Variants in KRR1 observed in about 807,000 individuals in gnomAD.
KRR1 encodes the protein KRR1 small subunit processome component homolog.
In KRR1, 23 loss-of-function variants were observed where a neutral mutation model predicts 50.0. That is an observed-to-expected ratio of 0.46 (90% CI 0.33 to 0.65). KRR1 has a LOEUF of 0.65. Among genes scored for constraint, KRR1 ranks in the 30% least tolerant of loss-of-function variants. The pLI is 0.02. For synonymous variants in KRR1, 133 were observed against 146.3 expected, an observed-to-expected ratio of 0.91 and a Z score of 0.66; for missense variants, 419 against 442.4, an observed-to-expected ratio of 0.95 and a Z score of 0.47.
chr12:75,510,838 TA>T (rs2120643208), intron 1 of KRR1, among the ~76,000 whole-genome samples: 1 of 152,348 alleles, frequency 6.6e-6, no homozygotes, highest in Non-Finnish European at 1.5e-5. Context: ...CCAATGCATC[TA>T]AATTGAGAGT....
At position 75,506,150 on chromosome 12, in the gene KRR1, A is replaced by G. The variant is rs2046420537; in HGVS notation, c.603+166T>C. On this transcript the variant is annotated intron_variant, in intron 5 of 9. Transcript: ENST00000229214. Reference sequence around the variant, plus strand: ...TTGGCCAAAACATGTTAGGGTCCAGATATGATGATTCCCTTGAATTATATG... The same window carrying G: ...TTGGCCAAAACATGTTAGGGTCCAGGTATGATGATTCCCTTGAATTATATG... 15 of 529,336 alleles carry G rather than the reference A, an allele frequency of 2.8e-5. No homozygotes were observed. The South Asian group carries it at 3.8e-4, about 13-fold the overall frequency. 32.8% of individuals were successfully genotyped at this position (529,336 alleles called of 1,614,324 possible). A position where few individuals can be genotyped will look rare whatever the true frequency, so the allele number is the denominator to read the frequency against.
intron 1 of KRR1, among the ~76,000 whole-genome samples, chr12:75,509,759 A>ATT (rs141358671): frequency 1.5e-4 from 21 of 140,246 alleles, no homozygotes; most frequent in African/African-American, 4.5e-4. Context: ...TGTCCGGCTA[A>ATT]TTTTTTTTTT....
intron 9 of KRR1, 46 bp downstream of exon 9, chr12:75,501,677 T>G: frequency 8.0e-7 from 1 of 1,243,064 alleles, no homozygotes. Context: ...ATTATGGGTT[T>G]ACTTTTCCTA....
At position 75,506,770 on chromosome 12, in the gene KRR1, T is replaced by C; in HGVS notation, c.393+12A>G. The C allele has an allele frequency of 6.2e-7, 1 of 1,601,224 alleles. No individual in the cohort carries two copies. Among genetic ancestry groups the C allele is most frequent in the Non-Finnish European group, 8.5e-7 (1 of 1,176,738 alleles). ...TGCAAACAAAGCAAAGTCTCTGTAA[T>C]TCTAGATTTACCTGTTCAAATGAAA... On this transcript the variant is annotated intron_variant, in intron 3 of 9. Coordinates refer to ENST00000229214, the MANE Select transcript of KRR1 (RefSeq NM_007043.7).
At chr12:75,508,994 G>A (rs568283972) in intron 1 of KRR1, among the ~76,000 whole-genome samples, 2 of 152,112 alleles carry the variant, frequency 1.3e-5, no homozygotes, top group Admixed American at 6.5e-5. Flanking sequence ...GCCTTTCATC[G>A]TAACTATAAA....
At position 75,511,515 on chromosome 12, in the gene KRR1, T is replaced by C. The variant is rs2120646396; in HGVS notation, c.83A>G (p.Gln28Arg). ...FRNQKPKPEN[Q>R]DESELLTVPD... The stretch of plus-strand genomic sequence containing the variant: ...CTTCGGTTCCCACATAACATCACCT[T>C]GGTTCTCCGGCTTCGGCTTCTGGTT... Residue 28 changes from glutamine to arginine, a missense_variant and splice_region_variant, in exon 1 of 10, where the codon CAA becomes CGA. Transcript: ENST00000229214. 1.9e-6 allele frequency: 3 copies of C among 1,613,852 alleles called. No individual in the cohort carries two copies. The highest frequency in any genetic ancestry group is 2.2e-5 in the East Asian group (1 of 44,890).
At chr12:75,509,383 A>C (rs527371832) in intron 1 of KRR1, among the ~76,000 whole-genome samples, 1 of 152,210 alleles carries the variant, frequency 6.6e-6, no homozygotes, top group East Asian at 1.9e-4. Flanking sequence ...GGAGACTCTT[A>C]AGCACGGTAA....
Position 75,508,370 on chromosome 12 carries a change from A to C in KRR1, c.162T>G (p.Leu54=), listed in dbSNP as rs915761185. The C allele has an allele frequency of 3.1e-6, 5 of 1,613,322 alleles. No homozygotes were observed. In the African/African-American group the frequency reaches 5.3e-5, roughly 17 times the overall value. The change falls in exon 2 of 10, where the codon CTT becomes CTG. Residue 54 remains leucine (L), a synonymous_variant. Transcript: ENST00000229214. ...AAGTTGCGAAACTGCTCTCCTCCAAAAGTCCTCTGGGATTGTCCTCTTTGG... is the reference window on the plus strand; with the variant it reads ...AAGTTGCGAAACTGCTCTCCTCCAACAGTCCTCTGGGATTGTCCTCTTTGG... ...AFSKEDNPRG[L]LEESSFATLF... is the part of the protein sequence containing the mutation.
intron 1 of KRR1, among the ~76,000 whole-genome samples, chr12:75,509,468 G>A (rs2046436781): frequency 6.6e-6 from 1 of 151,706 alleles, no homozygotes; most frequent in African/African-American, 2.4e-5. Flanking sequence ...TCACATCCAC[G>A]TTGCTATTTC....
chr12:75,499,943 C>G lies in KRR1; in HGVS notation c.1012G>C (p.Glu338Gln), dbSNP rs757680953. Residue 338 changes from glutamate to glutamine, a missense_variant, in exon 10 of 10, where the codon GAA becomes CAA. Transcript: ENST00000229214. ...PIVKPKEAST[E>Q]TKIDVASIKE... ...ATGCTGGCCACATCAATTTTAGTTT[C>G]AGTAGAAGCTAGACAAATTAAAAGC... 1.9e-6 allele frequency: 3 copies of G among 1,599,220 alleles called. No homozygotes were observed. The South Asian group carries it at 3.4e-5, about 18-fold the overall frequency.
rs2046347289 is a variant in KRR1, at chr12:75,495,827, A to G, written c.*3982T>C. The stretch of plus-strand genomic sequence containing the variant: ...TTACTGTTCTAGGAATACATTTAAG[A>G]GAAATTTAAATGTGAAAATCACGTT... On this transcript the variant is annotated 3_prime_UTR_variant, in exon 10 of 10. Coordinates refer to ENST00000229214, the MANE Select transcript of KRR1 (RefSeq NM_007043.7). The G allele has an allele frequency of 4.5e-6, 2 of 448,300 alleles. No homozygotes were observed. Among genetic ancestry groups the G allele is most frequent in the Non-Finnish European group, 8.2e-6 (2 of 244,874 alleles). 27.8% of individuals were successfully genotyped at this position (448,300 alleles called of 1,614,324 possible).
chr12:75,506,424 T>C, intron 4 of KRR1, 25 bp from the exon 5 acceptor site: 1 of 1,604,820 alleles, frequency 6.2e-7, no homozygotes, highest in South Asian at 1.1e-5. Flanking sequence ...CAAGTTAAAA[T>C]TCATTACTCT....
At position 75,511,570 on chromosome 12, in the gene KRR1, C is replaced by T. The variant is rs1165441053; in HGVS notation, c.28G>A (p.Glu10Lys). 6.2e-7 allele frequency: 1 copy of T among 1,614,120 alleles called. No individual in the cohort carries two copies. The highest frequency in any genetic ancestry group is 8.5e-7 in the Non-Finnish European group (1 of 1,179,954). The change falls in exon 1 of 10, where the codon GAA (glutamate) becomes AAA (lysine). Residue 10 changes from glutamate (E) to lysine (K), a missense_variant. By Grantham distance (56) the Glu-to-Lys change is moderately conservative. Coordinates refer to ENST00000229214, the MANE Select transcript of KRR1 (RefSeq NM_007043.7). MASPSLERP[E>K]KGAGKSEFRN... ...AATTCACTTTTTCCAGCGCCTTTTTCTGGCCGCTCCAGCGAGGGAGACGCC... is the reference window on the plus strand; with the variant it reads ...AATTCACTTTTTCCAGCGCCTTTTTTTGGCCGCTCCAGCGAGGGAGACGCC...
chr12:75,499,134 T>G lies in KRR1; in HGVS notation c.*675A>C, dbSNP rs866131402. The G allele has an allele frequency of 5.8e-5, 28 of 483,800 alleles. No individual in the cohort carries two copies. Among genetic ancestry groups the G allele is most frequent in the Middle Eastern group, 1.1e-3 (2 of 1,840 alleles). The allele number at this position is 483,800 out of a possible 1,614,324, so 30.0% of individuals were successfully genotyped here. On this transcript the variant is annotated 3_prime_UTR_variant, in exon 10 of 10. Coordinates refer to ENST00000229214, the MANE Select transcript of KRR1 (RefSeq NM_007043.7). ...TACTCAAAAGAAGAAATTTCCTAAC[T>G]CTATCAGATAAACTCATCTTTAGTA...
Position 75,494,388 on chromosome 12 carries a change from T to TATCA in KRR1, c.*5417_*5420dup, listed in dbSNP as rs1264114197. Reference sequence around the variant, plus strand: ...AATAAACGTGACTCTGACTTAGCAGTATCATCTTTGTAAATATCAGATATT... The same window carrying TATCA: ...AATAAACGTGACTCTGACTTAGCAGTATCAATCATCTTTGTAAATATCAGATATT... On this transcript the variant is annotated 3_prime_UTR_variant, in exon 10 of 10. Coordinates refer to ENST00000229214, the MANE Select transcript of KRR1 (RefSeq NM_007043.7). 6 of 152,226 alleles carry TATCA rather than the reference T, an allele frequency of 3.9e-5. No homozygotes were observed. The highest frequency in any genetic ancestry group is 1.2e-4 in the African/African-American group (5 of 41,456). 9.4% of individuals were successfully genotyped at this position (152,226 alleles called of 1,614,324 possible).
chr12:75,502,101 A>G, intron 7 of KRR1, 101 bp from the exon 8 acceptor site: 1 of 883,582 alleles, frequency 1.1e-6, no homozygotes, highest in Non-Finnish European at 1.8e-6. Context: ...AATGGGGTCA[A>G]ACTGATTTAT....
rs984264006 is a variant in KRR1 at position 75,497,897 on chromosome 12, A to T, written c.*1912T>A. The T allele has an allele frequency of 2.1e-3, 127 of 61,650 alleles. 1 individual carries two copies. The highest frequency in any genetic ancestry group is 0.015 in the Admixed American group (101 of 6,522). The allele number at this position is 61,650 out of a possible 1,614,324, so 3.8% of individuals were successfully genotyped here. On this transcript the variant is annotated 3_prime_UTR_variant, in exon 10 of 10. Coordinates refer to ENST00000229214, the MANE Select transcript of KRR1 (RefSeq NM_007043.7). The stretch of plus-strand genomic sequence containing the variant: ...TATTGAACATTTAAAAATATATATA[A>T]AAAAAAATAACTAGAACATCACACT...
Position 75,493,425 on chromosome 12 carries a change from A to AATC in KRR1, c.*6381_*6383dup, listed in dbSNP as rs1235017348. Reference sequence around the variant, plus strand: ...CCTCAGAATGGGGTCTGGGATGCTTAATCTTCCAGTTGCCTGTAATACTCT... The same window carrying AATC: ...CCTCAGAATGGGGTCTGGGATGCTTAATCATCTTCCAGTTGCCTGTAATACTCT... On this transcript the variant is annotated 3_prime_UTR_variant, in exon 10 of 10. Coordinates refer to ENST00000229214, the MANE Select transcript of KRR1 (RefSeq NM_007043.7). 1 of 152,162 alleles carries AATC rather than the reference A, an allele frequency of 6.6e-6. No homozygotes were observed. The highest frequency in any genetic ancestry group is 1.9e-4 in the East Asian group (1 of 5,176). The allele number at this position is 152,162 out of a possible 1,614,324, so 9.4% of individuals were successfully genotyped here.
chr12:75,504,258 C>A, intron 6 of KRR1, 184 bp from the exon 7 acceptor site: 1 of 380,334 alleles, frequency 2.6e-6, no homozygotes, highest in Non-Finnish European at 4.7e-6. Context: ...TATTAGAAAA[C>A]CATTAGAAAT....
Sources: allele counts gnomAD v4.1 joint callset (sites outside exome capture counted in the v4.1 genomes callset), GRCh38; gene constraint gnomAD v4.1.1; transcripts MANE v1.5; gene names NCBI Gene and HGNC (gene_info 2026-07-23, HGNC 2026-07-21).